MXRA8: variants seen among roughly 807,000 people sequenced by gnomAD.
The protein encoded by MXRA8 is matrix remodeling-associated protein 8.
A neutral mutation model predicts 51.4 loss-of-function variants in MXRA8; 44 were observed. The observed-to-expected ratio is 0.86, with a 90% CI of 0.67 to 1.10. The LOEUF (loss-of-function observed/expected upper bound fraction) is 1.10, where lower values mean the gene tolerates loss of function less well. Among genes scored for constraint, MXRA8 ranks in the 50% least tolerant of loss-of-function variants. The probability of loss-of-function intolerance (pLI) is 0.00; values close to 1 mark genes in which losing one functional copy is unlikely to be tolerated. For synonymous variants in MXRA8, 369 were observed against 293.5 expected (o/e 1.26, Z -2.63); for missense variants, 765 against 638.9 (o/e 1.20, Z -2.13).
chr1:1,355,226 C>CG lies in MXRA8; in HGVS notation c.478+17dup, dbSNP rs748325719. 23 of 664,528 alleles carry CG rather than the reference C, an allele frequency of 3.5e-5. No homozygotes were observed. Among genetic ancestry groups the CG allele is most frequent in the Admixed American group, 2.0e-4 (7 of 35,302 alleles). The allele number at this position is 664,528 out of a possible 1,614,324, so 41.2% of individuals were successfully genotyped here. On this transcript the variant is annotated intron_variant, in intron 4 of 9. Coordinates refer to ENST00000309212, the MANE Select transcript of MXRA8 (RefSeq NM_032348.4). ...GGGTCGAGGGGCGGGAGCTGGGGGG[C>CG]GGGGGGGAAGCACTCACGGCCGTCG...
chr1:1,354,906 C>G lies in MXRA8; in HGVS notation c.725G>C (p.Arg242Pro). 3 of 1,610,200 alleles carry G rather than the reference C, an allele frequency of 1.9e-6. No homozygotes were observed. Residue 242 changes from arginine (R) to proline (P), a missense_variant, in exon 5 of 10, where the codon CGC becomes CCC. Transcript: ENST00000309212. Reference sequence around the variant, plus strand: ...AAAGGCATCCGCGCCCACAGCCACGCGGTCGCGCAGAAAAAGGGGCCCGTA... The same window carrying G: ...AAAGGCATCCGCGCCCACAGCCACGGGGTCGCGCAGAAAAAGGGGCCCGTA... ...RAYGPLFLRDRVAVGADAFER... is the reference protein window; with the variant it reads ...RAYGPLFLRDPVAVGADAFER...
chr1:1,357,347 C>T (rs1405470556), intron 1 of MXRA8, among the ~76,000 whole-genome samples: 1 of 152,198 alleles, frequency 6.6e-6, no homozygotes, highest in African/African-American at 2.4e-5. Context: ...CCCCCGTCCT[C>T]GAGCTGATCC....
rs1471164209 is a variant in MXRA8, at chr1:1,354,699, C to T, written c.932G>A (p.Ser311Asn). 1.9e-6 allele frequency: 3 copies of T among 1,588,200 alleles called. No homozygotes were observed. The highest frequency in any genetic ancestry group is 3.5e-5 in the Admixed American group (2 of 56,810). The change falls in exon 5 of 10, where the codon AGC (serine) becomes AAC (asparagine). Residue 311 changes from serine to asparagine, a missense_variant. Ser to Asn is a conservative substitution (Grantham distance 46). Transcript: ENST00000309212. Reference protein sequence around the residue: ...RGSPGNGSSHSGAPGPDPTLA... With the variant: ...RGSPGNGSSHNGAPGPDPTLA... Reference sequence around the variant, plus strand: ...TCCTTCACCTGGGCCTGGGGCGCCGCTGTGGCTGGAGCCGTTGCCCGGAGA... The same window carrying T: ...TCCTTCACCTGGGCCTGGGGCGCCGTTGTGGCTGGAGCCGTTGCCCGGAGA...
upstream of MXRA8, chr1:1,359,558 G>A (rs1420325668): frequency 1.0e-6 from 1 of 985,268 alleles, no homozygotes; most frequent in East Asian, 1.1e-4. Flanking sequence ...AGCTGGGTGG[G>A]GGGCTCACCC....
Position 1,355,438 on chromosome 1 carries a change from C to G in MXRA8, c.376+12G>C. ...GCCCCGACCCCGCGGCCCCGGTCCC[C>G]GGTCCCCGCACCGCGGATGAGCAGC... On this transcript the variant is annotated intron_variant, in intron 3 of 9. Coordinates refer to ENST00000309212, the MANE Select transcript of MXRA8 (RefSeq NM_032348.4). 6.7e-7 allele frequency: 1 copy of G among 1,486,874 alleles called. No homozygotes were observed. The highest frequency in any genetic ancestry group is 2.4e-5 in the Admixed American group (1 of 41,104). 92.1% of individuals were successfully genotyped at this position (1,486,874 alleles called of 1,614,324 possible). A position where few individuals can be genotyped will look rare whatever the true frequency, so the allele number is the denominator to read the frequency against.
chr1:1,358,438 C>T lies in MXRA8; in HGVS notation c.49+18G>A, dbSNP rs1268318935. On this transcript the variant is annotated intron_variant, in intron 1 of 9. Transcript: ENST00000309212. ...CCACGTGCCACCCCCCACCCGCCTC[C>T]CAGGGCCCCACACTCACTCTGCAGA... 2 of 1,606,814 alleles carry T rather than the reference C, an allele frequency of 1.2e-6. No individual in the cohort carries two copies. The highest frequency in any genetic ancestry group is 1.3e-5 in the African/African-American group (1 of 74,652).
In MXRA8 at chr1:1,355,592, G is replaced by C. The variant is rs768918826; in HGVS notation, c.234C>G (p.Arg78=). 1 of 1,477,682 alleles carries C rather than the reference G, an allele frequency of 6.8e-7. No individual in the cohort carries two copies. The highest frequency in any genetic ancestry group is 1.3e-5 in the South Asian group (1 of 78,056). 91.5% of individuals were successfully genotyped at this position (1,477,682 alleles called of 1,614,324 possible). The change falls in exon 3 of 10, where the codon CGC becomes CGG. Residue 78 remains arginine, a synonymous_variant. Transcript: ENST00000309212. ...GCCGCGCGGGGCCACCCCCGGGGCC[G>C]CGCAGGTCCCAGTGGAGCACGCGCT... is the stretch of plus-strand genomic sequence containing the variant. ...DRQRVLHWDL[R]GPGGGPARRL...
chr1:1,355,455 A>T lies in MXRA8; in HGVS notation c.371T>A (p.Ile124Asn). 6.7e-7 allele frequency: 1 copy of T among 1,501,592 alleles called. No homozygotes were observed. Among genetic ancestry groups the T allele is most frequent in the South Asian group, 1.2e-5 (1 of 80,122 alleles). The allele number at this position is 1,501,592 out of a possible 1,614,324, so 93.0% of individuals were successfully genotyped here. The stretch of plus-strand genomic sequence containing the variant: ...CCGGTCCCCGGTCCCCGCACCGCGG[A>T]TGAGCAGCGAGAAGTTGCCGTCGTC... ...AFDDGNFSLL[I>N]RAVEETDAGL... Residue 124 changes from isoleucine to asparagine, a missense_variant, in exon 3 of 10, where the codon ATC (isoleucine) becomes AAC (asparagine). By Grantham distance (149) the Ile-to-Asn change is moderately radical. Coordinates refer to ENST00000309212, the MANE Select transcript of MXRA8 (RefSeq NM_032348.4).
chr1:1,354,712 C>T lies in MXRA8; in HGVS notation c.919G>A (p.Gly307Ser). The change falls in exon 5 of 10, where the codon GGC becomes AGC. Residue 307 changes from glycine (G) to serine (S), a missense_variant. Physicochemically the swap from Gly to Ser is moderately conservative, Grantham distance 56. Coordinates refer to ENST00000309212, the MANE Select transcript of MXRA8 (RefSeq NM_032348.4). ...EPPPRGSPGN[G>S]SSHSGAPGPD... ...CCTGGGGCGCCGCTGTGGCTGGAGC[C>T]GTTGCCCGGAGAGCCCCGGGGGGGC... 6.3e-7 allele frequency: 1 copy of T among 1,598,010 alleles called. No homozygotes were observed. The highest frequency in any genetic ancestry group is 8.5e-7 in the Non-Finnish European group (1 of 1,173,644).
chr1:1,361,227 C>G, upstream of MXRA8: 1 of 703,534 alleles, frequency 1.4e-6, no homozygotes, highest in South Asian at 1.5e-5. Context: ...GAAAGACACA[C>G]ACAGAGACAC....
chr1:1,354,849 G>C lies in MXRA8; in HGVS notation c.782C>G (p.Pro261Arg). 6.2e-7 allele frequency: 1 copy of C among 1,612,098 alleles called. No individual in the cohort carries two copies. Among genetic ancestry groups the C allele is most frequent in the Admixed American group, 1.7e-5 (1 of 59,988 alleles). Residue 261 changes from proline to arginine, a missense_variant, in exon 5 of 10, where the codon CCG (proline) becomes CGG (arginine). Coordinates refer to ENST00000309212, the MANE Select transcript of MXRA8 (RefSeq NM_032348.4). ...ERGDFSLRIE[P>R]LEVADEGTYS... is the part of the protein sequence containing the mutation. The stretch of plus-strand genomic sequence containing the variant: ...GGTGCCCTCGTCGGCGACCTCCAGC[G>C]GCTCGATACGCAGTGAGAAGTCACC...
upstream of MXRA8, chr1:1,361,581 G>C: frequency 2.1e-6 from 1 of 467,592 alleles, no homozygotes; most frequent in South Asian, 2.1e-5. Flanking sequence ...TGGGACGCCA[G>C]GGACCCTGTG....
upstream of MXRA8, chr1:1,358,627 G>C (rs1222857112): frequency 1.4e-6 from 2 of 1,447,792 alleles, no homozygotes; most frequent in African/African-American, 1.4e-5. Flanking sequence ...GCCTGTCTAC[G>C]GTCTGGGGAC....
At chr1:1,359,023 A>G (rs780373028), upstream of MXRA8, 75 of 985,322 alleles carry the variant, frequency 7.6e-5, no homozygotes, top group South Asian at 1.4e-4. Context: ...CCTTCAGACC[A>G]GATGGCCCTT....
intron 1 of MXRA8, among the ~76,000 whole-genome samples, chr1:1,358,090 A>G (rs1644167036): frequency 6.6e-6 from 1 of 152,070 alleles, no homozygotes; most frequent in Non-Finnish European, 1.5e-5. Flanking sequence ...CAGGCCTGGG[A>G]GCGGGGGCTG....
In MXRA8 at chr1:1,356,622, G is replaced by A. The variant is rs922661863; in HGVS notation, c.73+59C>T. The stretch of plus-strand genomic sequence containing the variant: ...TGAGGACCCCCGGGGGCTGGGCCTG[G>A]CAAGATAGGAGGGGCTGAGGGGGAG... On this transcript the variant is annotated intron_variant, in intron 2 of 9. Coordinates refer to ENST00000309212, the MANE Select transcript of MXRA8 (RefSeq NM_032348.4). 3.4e-5 allele frequency: 34 copies of A among 996,610 alleles called. No individual in the cohort carries two copies. In the African/African-American group the frequency reaches 5.2e-4, roughly 15 times the overall value. The allele number at this position is 996,610 out of a possible 1,614,324, so 61.7% of individuals were successfully genotyped here. A position where few individuals can be genotyped will look rare whatever the true frequency, so the allele number is the denominator to read the frequency against.
chr1:1,352,862 G>A lies in MXRA8; in HGVS notation c.*742C>T, dbSNP rs558909571. The A allele has an allele frequency of 1.9e-5, 5 of 261,378 alleles. No individual in the cohort carries two copies. The East Asian group carries it at 7.3e-4, about 38-fold the overall frequency. The allele number at this position is 261,378 out of a possible 1,614,324, so 16.2% of individuals were successfully genotyped here. ...CCAGCCCTAGACTCCAGCCCAGGCA[G>A]AGTCCAAGGGAGGGGTGTCAGGGTC... On this transcript the variant is annotated 3_prime_UTR_variant, in exon 10 of 10. Transcript: ENST00000309212.
Position 1,354,735 on chromosome 1 carries a change from G to C in MXRA8, c.896C>G (p.Pro299Arg). Residue 299 changes from proline (P) to arginine (R), a missense_variant, in exon 5 of 10, where the codon CCC becomes CGC. Physicochemically the swap from Pro to Arg is moderately radical, Grantham distance 103. Transcript: ENST00000309212. ...GCCGTTGCCCGGAGAGCCCCGGGGG[G>C]GCGGCTCCGCGTGGGGTTCGGCGAC... ...LTVAEPHAEP[P>R]PRGSPGNGSS... The C allele has an allele frequency of 9.9e-6, 16 of 1,608,760 alleles. No individual in the cohort carries two copies. The highest frequency in any genetic ancestry group is 1.4e-5 in the Non-Finnish European group (16 of 1,178,268).
chr1:1,359,685 CAGGACACGGACCGGCGTA>C (rs1399733091), upstream of MXRA8: 1 of 622,528 alleles, frequency 1.6e-6, no homozygotes, highest in Non-Finnish European at 2.0e-6. Context: ...GAGGAACGGG[CAGGACACGGACCGGCGTA>C]AGGACAGAAG....
Sources: gnomAD v4.1 joint callset for allele counts (sites outside exome capture counted in the v4.1 genomes callset) on GRCh38, gnomAD v4.1.1 for gene constraint, MANE v1.5 for transcripts, NCBI Gene and HGNC (gene_info 2026-07-23, HGNC 2026-07-21) for gene names.